The following TRMT6 variants were observed in gnomAD, a reference collection of about 807,000 sequenced individuals.
TRMT6 encodes the protein tRNA methyltransferase 6 non-catalytic subunit.
TRMT6 carries 34 observed loss-of-function variants against 59.0 expected under a neutral mutation model. That is an observed-to-expected ratio of 0.58 (90% CI 0.44 to 0.77). The LOEUF (loss-of-function observed/expected upper bound fraction) is 0.77. Ranked by LOEUF, TRMT6 falls within the 30% of genes least tolerant of loss-of-function variation. TRMT6 has a pLI of 0.00. For synonymous variants in TRMT6, 217 were observed against 210.5 expected (o/e 1.03, Z -0.27); for missense variants, 575 against 604.5 (o/e 0.95, Z 0.51).
In TRMT6 at chr20:5,944,801, T is replaced by C; in HGVS notation, c.366+4A>G. The C allele has an allele frequency of 6.2e-7, 1 of 1,605,652 alleles. No homozygotes were observed. The highest frequency in any genetic ancestry group is 8.5e-7 in the Non-Finnish European group (1 of 1,173,626). The stretch of plus-strand genomic sequence containing the variant: ...AACAAAACTAAAAATCCTTTGAATA[T>C]TACCTCTCCTTTAATGCCCTTGTCC... On this transcript the variant is annotated splice_donor_region_variant and intron_variant, in intron 3 of 10. Transcript: ENST00000203001.
intron 3 of TRMT6, 87 bp downstream of exon 3, chr20:5,944,718 A>T: frequency 1.8e-5 from 17 of 926,518 alleles, no homozygotes; most frequent in Admixed American, 6.7e-5. Context: ...TTTTTGTTTT[A>T]CCTTAGGTAC....
Position 5,950,497 on chromosome 20 carries a change from T to G in TRMT6, c.-92A>C. The G allele has an allele frequency of 7.1e-7, 1 of 1,407,954 alleles. No individual in the cohort carries two copies. The highest frequency in any genetic ancestry group is 9.4e-7 in the Non-Finnish European group (1 of 1,064,554). The allele number at this position is 1,407,954 out of a possible 1,614,324, so 87.2% of individuals were successfully genotyped here. On this transcript the variant is annotated 5_prime_UTR_variant, in exon 1 of 11. Coordinates refer to ENST00000203001, the MANE Select transcript of TRMT6 (RefSeq NM_015939.5). ...CCTCACTTCCCACAACCTGGCGCAC[T>G]AGGAGCCCTCCGACCGGCACCGCCC...
chr20:5,947,640 T>C (rs928742765), intron 1 of TRMT6, among the ~76,000 whole-genome samples: 1 of 152,242 alleles, frequency 6.6e-6, no homozygotes, highest in African/African-American at 2.4e-5. Flanking sequence ...GATACTTACA[T>C]ACAACAGAAT....
At chr20:5,945,839 A>G (rs778281806) in intron 2 of TRMT6, among the ~76,000 whole-genome samples, 2 of 152,220 alleles carry the variant, frequency 1.3e-5, no homozygotes, top group African/African-American at 2.4e-5. Context: ...TAATAATAGT[A>G]ATAGCTAAAA....
In TRMT6 at chr20:5,938,640, G is replaced by C. The variant is rs774554564; in HGVS notation, c.1389C>G (p.Asn463Lys). 1.9e-6 allele frequency: 3 copies of C among 1,614,168 alleles called. No homozygotes were observed. The Admixed American group carries it at 5.0e-5, about 27-fold the overall frequency. ...ATTTGAGGCTGGTGTCTGCTTTAAG[G>C]TTGTCCATGGCAACGGTGAAGCCGG... Reference protein sequence around the residue: ...LLSGFTVAMDNLKADTSLKSN... With the variant: ...LLSGFTVAMDKLKADTSLKSN... The change falls in exon 11 of 11, where the codon AAC (asparagine) becomes AAG (lysine). Residue 463 changes from asparagine (N) to lysine (K), a missense_variant. Transcript: ENST00000203001.
In TRMT6 at chr20:5,944,155, T is replaced by C. The variant is rs2088684828; in HGVS notation, c.458+7A>G. Reference sequence around the variant, plus strand: ...ATTGTGGGCCTTTTAAAATAAAAACTACTTACTTTTTTTTCTTCTTTTTAA... The same window carrying C: ...ATTGTGGGCCTTTTAAAATAAAAACCACTTACTTTTTTTTCTTCTTTTTAA... On this transcript the variant is annotated splice_region_variant and intron_variant, in intron 4 of 10. Coordinates refer to ENST00000203001, the MANE Select transcript of TRMT6 (RefSeq NM_015939.5). 2 of 1,462,064 alleles carry C rather than the reference T, an allele frequency of 1.4e-6. No individual in the cohort carries two copies. Among genetic ancestry groups the C allele is most frequent in the Non-Finnish European group, 1.8e-6 (2 of 1,082,590 alleles). 90.6% of individuals were successfully genotyped at this position (1,462,064 alleles called of 1,614,324 possible).
intron 10 of TRMT6, among the ~76,000 whole-genome samples, chr20:5,939,712 C>T (rs1269576172): frequency 6.6e-6 from 1 of 152,122 alleles, no homozygotes; most frequent in East Asian, 1.9e-4. Context: ...CACTCCAAAC[C>T]TCCCTTCCCC....
At chr20:5,949,382 G>T (rs1454223957) in intron 1 of TRMT6, among the ~76,000 whole-genome samples, 1 of 152,042 alleles carries the variant, frequency 6.6e-6, no homozygotes, top group Non-Finnish European at 1.5e-5. Context: ...CACTGTGGTT[G>T]TATTTCTCAG....
At chr20:5,944,292 C>T (rs1256925634) in intron 3 of TRMT6, 39 bp from the exon 4 acceptor site, 1 of 1,274,674 alleles carries the variant, frequency 7.8e-7, no homozygotes, top group Non-Finnish European at 1.1e-6. Context: ...TGAAACTTTA[C>T]TTTCACAAAA....
chr20:5,943,841 G>A, intron 5 of TRMT6, 107 bp downstream of exon 5: 1 of 1,524,838 alleles, frequency 6.6e-7, no homozygotes, highest in Non-Finnish European at 8.8e-7. Flanking sequence ...TATGAGGTAG[G>A]AGGATACTTT....
rs765118154 is a variant in TRMT6 at position 5,937,328 on chromosome 20, T to C, written c.*1207A>G. 8.6e-5 allele frequency: 13 copies of C among 151,984 alleles called. No individual in the cohort carries two copies. Among genetic ancestry groups the C allele is most frequent in the Non-Finnish European group, 1.5e-4 (10 of 68,030 alleles). 9.4% of individuals were successfully genotyped at this position (151,984 alleles called of 1,614,324 possible). A position where few individuals can be genotyped will look rare whatever the true frequency, so the allele number is the denominator to read the frequency against. ...TAGCACATGCTATTTGGAAAAAAAA[T>C]TTTTTTTCTGAGATGTTCCTTGCTG... On this transcript the variant is annotated 3_prime_UTR_variant, in exon 11 of 11. Coordinates refer to ENST00000203001, the MANE Select transcript of TRMT6 (RefSeq NM_015939.5).
chr20:5,944,033 T>C lies in TRMT6; in HGVS notation c.459-2A>G. On this transcript the variant is annotated splice_acceptor_variant, in intron 4 of 10. Coordinates refer to ENST00000203001, the MANE Select transcript of TRMT6 (RefSeq NM_015939.5). LOFTEE classifies it high-confidence loss of function. Reference sequence around the variant, plus strand: ...ACAACAGTAATGATGGCTTCATATCTGGGGGAAGAAAAAACAGAACGCTGA... The same window carrying C: ...ACAACAGTAATGATGGCTTCATATCCGGGGGAAGAAAAAACAGAACGCTGA... 2 of 1,576,214 alleles carry C rather than the reference T, an allele frequency of 1.3e-6. No homozygotes were observed. Among genetic ancestry groups the C allele is most frequent in the Non-Finnish European group, 1.7e-6 (2 of 1,162,488 alleles).
intron 2 of TRMT6, 97 bp downstream of exon 2, chr20:5,946,309 G>T: frequency 1.4e-6 from 2 of 1,456,380 alleles, no homozygotes; most frequent in South Asian, 1.2e-5. Context: ...ATTTCTTTTG[G>T]GATAGCATGG....
In TRMT6 at chr20:5,944,892, A is replaced by T. The variant is rs139080482; in HGVS notation, c.279T>A (p.Asp93Glu). 7 of 1,613,688 alleles carry T rather than the reference A, an allele frequency of 4.3e-6. No homozygotes were observed. The African/African-American group carries it at 9.3e-5, about 22-fold the overall frequency. Reference sequence around the variant, plus strand: ...TCCCATCATCAACTATATTTCGATTATCAGTGCCCGCTTCTTTAGTCTCTA... The same window carrying T: ...TCCCATCATCAACTATATTTCGATTTTCAGTGCCCGCTTCTTTAGTCTCTA... ...PTAETKEAGT[D>E]NRNIVDDGKS... The change falls in exon 3 of 11, where the codon GAT becomes GAA. Residue 93 changes from aspartate (D) to glutamate (E), a missense_variant. Asp to Glu is a conservative substitution (Grantham distance 45). Coordinates refer to ENST00000203001, the MANE Select transcript of TRMT6 (RefSeq NM_015939.5).
In TRMT6 at chr20:5,942,513, T is replaced by C; in HGVS notation, c.941A>G (p.His314Arg). 1 of 1,614,112 alleles carries C rather than the reference T, an allele frequency of 6.2e-7. No individual in the cohort carries two copies. The highest frequency in any genetic ancestry group is 8.5e-7 in the Non-Finnish European group (1 of 1,180,020). The part of the protein sequence containing the change: ...DSMAEAPESN[H>R]PEDQETMETI... ...TTCCATTGTTTCCTGGTCTTCTGGG[T>C]GGTTGCTCTCTGGGGCCTCTGCCAT... Residue 314 changes from histidine (H) to arginine (R), a missense_variant, in exon 7 of 11, where the codon CAC (histidine) becomes CGC (arginine). Coordinates refer to ENST00000203001, the MANE Select transcript of TRMT6 (RefSeq NM_015939.5).
intron 2 of TRMT6, 61 bp from the exon 3 acceptor site, chr20:5,944,975 T>C: frequency 1.5e-6 from 2 of 1,349,948 alleles, no homozygotes; most frequent in South Asian, 1.2e-5. Context: ...ACTTTCTTTT[T>C]CTGAGTTCAT....
chr20:5,947,880 G>A (rs1247669567), intron 1 of TRMT6, among the ~76,000 whole-genome samples: 7 of 152,000 alleles, frequency 4.6e-5, no homozygotes, highest in East Asian at 1.9e-4. Context: ...GAAAAACTCC[G>A]TCTCTACAAA....
At chr20:5,940,727 T>A (rs1049885299) in intron 10 of TRMT6, among the ~76,000 whole-genome samples, 8 of 152,194 alleles carry the variant, frequency 5.3e-5, no homozygotes, top group Non-Finnish European at 8.8e-5. Flanking sequence ...CAAGCAATCT[T>A]TCCACCTCAG....
At chr20:5,950,168 A>G (rs1600229406) in intron 1 of TRMT6, 110 bp downstream of exon 1, 2 of 1,216,224 alleles carry the variant, frequency 1.6e-6, no homozygotes, top group East Asian at 5.3e-5. Flanking sequence ...ATGGGGACCG[A>G]GAGAGCCAAG....
Sources: allele counts gnomAD v4.1 joint callset (sites outside exome capture counted in the v4.1 genomes callset), GRCh38; gene constraint gnomAD v4.1.1; transcripts MANE v1.5; gene names NCBI Gene and HGNC (gene_info 2026-07-23, HGNC 2026-07-21).